PARVB: variants seen among roughly 807,000 people sequenced by gnomAD.
PARVB encodes the protein beta-parvin.
PARVB carries 46 observed loss-of-function variants against 47.0 expected under a neutral mutation model. That is an observed-to-expected ratio of 0.98 (90% CI 0.77 to 1.25). PARVB has a LOEUF of 1.25. Among genes scored for constraint, PARVB ranks in the 50% most tolerant of loss-of-function variants. PARVB has a pLI of 0.00. For missense variants in PARVB, 473 were observed against 471.6 expected (o/e 1.00, Z -0.03); for synonymous variants, 196 against 196.3 (o/e 1.00, Z 0.01).
chr22:44,165,221 C>T (rs2054141269), intron 12 of PARVB, among the ~76,000 whole-genome samples: 1 of 152,218 alleles, frequency 6.6e-6, no homozygotes, highest in African/African-American at 2.4e-5. Flanking sequence ...TGGTCTCGAA[C>T]TTCTGGGCTC....
At chr22:44,044,697 G>A (rs2051083635) in intron 1 of PARVB, among the ~76,000 whole-genome samples, 1 of 151,668 alleles carries the variant, frequency 6.6e-6, no homozygotes, top group African/African-American at 2.4e-5. Flanking sequence ...TGTTGGCCAG[G>A]TGGGTCTCAA....
At position 44,140,138 on chromosome 22, in the gene PARVB, G is replaced by A. The variant is rs201782671; in HGVS notation, c.707G>A (p.Arg236Gln). ...CTTGTTTGCAGGATGATGATGGGCC[G>A]GTTCGGTAAGTAACCCCAGGGAAAG... ...LTTTTEMMMG[R>Q]FERDAFDTLF... The change falls in exon 8 of 13, where the codon CGG (arginine) becomes CAG (glutamine). Residue 236 changes from arginine to glutamine, a missense_variant. Physicochemically the swap from Arg to Gln is conservative, Grantham distance 43. Coordinates refer to ENST00000338758, the MANE Select transcript of PARVB (RefSeq NM_013327.5). 104 of 1,590,102 alleles carry A rather than the reference G, an allele frequency of 6.5e-5. No homozygotes were observed. Among genetic ancestry groups the A allele is most frequent in the South Asian group, 3.2e-4 (29 of 90,218 alleles).
chr22:44,162,107 G>A (rs9626117), intron 11 of PARVB, among the ~76,000 whole-genome samples: 2,036 of 152,288 alleles, frequency 0.013, 59 homozygotes, highest in African/African-American at 0.047. Context: ...CAGGTCATTC[G>A]CCCCTTTGCT....
At position 44,170,215 on chromosome 22, in the gene PARVB, G is replaced by C. The variant is rs776364396; in HGVS notation, c.*1537G>C. The C allele has an allele frequency of 6.6e-6, 1 of 151,698 alleles. No homozygotes were observed. Among genetic ancestry groups the C allele is most frequent in the East Asian group, 2.0e-4 (1 of 5,110 alleles). The allele number at this position is 151,698 out of a possible 1,614,324, so 9.4% of individuals were successfully genotyped here. A position where few individuals can be genotyped will look rare whatever the true frequency, so the allele number is the denominator to read the frequency against. ...GGGGTTTCACCATGTTGCCCAGGCT[G>C]TTCTCAAACCCCTGGGCTTGAGCGA... On this transcript the variant is annotated 3_prime_UTR_variant, in exon 13 of 13. Coordinates refer to ENST00000338758, the MANE Select transcript of PARVB (RefSeq NM_013327.5).
chr22:44,023,373 T>C (rs1158684307), upstream of PARVB, among the ~76,000 whole-genome samples: 3 of 151,878 alleles, frequency 2.0e-5, no homozygotes, highest in African/African-American at 7.3e-5. Flanking sequence ...TACCCGGTCG[T>C]GGTGGCGTGC....
chr22:44,054,990 C>CAAAAAAAAAA (rs3083343), intron 1 of PARVB, among the ~76,000 whole-genome samples: 1 of 70,098 alleles, frequency 1.4e-5, no homozygotes, highest in Non-Finnish European at 2.5e-5. Flanking sequence ...AACTCCATCT[C>CAAAAAAAAAA]AAAAAAAAAA....
rs35913551 is a variant in PARVB at position 44,151,029 on chromosome 22, CAAAAA to C, written c.775-430_775-426del. 25 of 51,696 alleles carry C rather than the reference CAAAAA, an allele frequency of 4.8e-4. No homozygotes were observed. In the South Asian group the frequency reaches 5.5e-3, roughly 11 times the overall value. 3.2% of individuals were successfully genotyped at this position (51,696 alleles called of 1,614,324 possible). A position where few individuals can be genotyped will look rare whatever the true frequency, so the allele number is the denominator to read the frequency against. On this transcript the variant is annotated intron_variant, in intron 9 of 12. Transcript: ENST00000338758. ...CCTGGGCGACAGAGTGAGACTGTCT[CAAAAA>C]AAAAAAAAAAAAAAAAAAAAAAATT...
intron 5 of PARVB, among the ~76,000 whole-genome samples, chr22:44,132,491 G>A (rs1235276395): frequency 6.6e-6 from 1 of 152,168 alleles, no homozygotes; most frequent in African/African-American, 2.4e-5. Flanking sequence ...TGTTGGGATG[G>A]TTCATTGCGG....
chr22:44,013,485 G>A lies in PARVB; in HGVS notation c.211+13812G>A, dbSNP rs191507368. On this transcript the variant is annotated intron_variant, in intron 2 of 13. Coordinates refer to the PARVB transcript ENST00000406477. ...TGCCCATATGCAGGGGAGATCCTCA[G>A]TGCCCCTCACCACGCCGGCGAAGCC... 7.7e-4 allele frequency among the ~76,000 whole-genome samples: 118 copies of A among 152,292 alleles called. 1 individual carries two copies. The Middle Eastern group carries it at 0.01, about 13-fold the overall frequency.
At chr22:44,166,586 C>A (rs1158068670) in intron 12 of PARVB, among the ~76,000 whole-genome samples, 2 of 152,250 alleles carry the variant, frequency 1.3e-5, no homozygotes, top group African/African-American at 4.8e-5. Context: ...AGGCCAGAGG[C>A]AGAGGCACTG....
At chr22:44,090,221 G>T (rs967602102) in intron 1 of PARVB, among the ~76,000 whole-genome samples, 2 of 152,218 alleles carry the variant, frequency 1.3e-5, no homozygotes, top group Non-Finnish European at 2.9e-5. Flanking sequence ...CCAACAAGTG[G>T]CAATGCGAGA....
intron 1 of PARVB, among the ~76,000 whole-genome samples, chr22:44,051,434 C>A (rs1038759938): frequency 6.6e-6 from 1 of 152,072 alleles, no homozygotes; most frequent in Non-Finnish European, 1.5e-5. Context: ...CCCTTCAGTC[C>A]CAGCTCTGAC....
rs1379948835 is a variant in PARVB, at chr22:44,125,927, G to C, written c.377-5560G>C. Among the ~76,000 whole-genome samples, 1 of 152,130 alleles carries C rather than the reference G, an allele frequency of 6.6e-6. No individual in the cohort carries two copies. The highest frequency in any genetic ancestry group is 6.5e-5 in the Admixed American group (1 of 15,274). On this transcript the variant is annotated intron_variant, in intron 4 of 12. Coordinates refer to ENST00000338758, the MANE Select transcript of PARVB (RefSeq NM_013327.5). The surrounding 1 kb of genome is among the most constrained non-coding windows in gnomAD (Gnocchi z 4.1). ...AGAGTGGAAGGGCAGACATGGGGAG[G>C]TACTGTACAGTTAAACTGCCATAGG...
At chr22:44,007,218 G>C (rs2050474726) in intron 2 of PARVB, among the ~76,000 whole-genome samples, 1 of 151,958 alleles carries the variant, frequency 6.6e-6, no homozygotes, top group Non-Finnish European at 1.5e-5. Flanking sequence ...GAACAGGTCA[G>C]CAGGGGGTAC....
At chr22:44,140,377 G>A in intron 8 of PARVB, 1 of 715,556 alleles carries the variant, frequency 1.4e-6, no homozygotes, top group South Asian at 1.4e-5. Flanking sequence ...GGGGTGGAAG[G>A]CTGGGTGACC....
upstream of PARVB, among the ~76,000 whole-genome samples, chr22:44,022,594 A>G (rs1402012080): frequency 6.6e-6 from 1 of 152,066 alleles, no homozygotes; most frequent in Non-Finnish European, 1.5e-5. Context: ...ACTGGGGGGC[A>G]GCCAGCACAA....
At chr22:44,062,119 A>G (rs2051431016) in intron 1 of PARVB, among the ~76,000 whole-genome samples, 1 of 152,214 alleles carries the variant, frequency 6.6e-6, no homozygotes, top group Non-Finnish European at 1.5e-5. Flanking sequence ...CATACTGCCC[A>G]GGGTAAGACT....
chr22:44,059,464 AC>A (rs1441599124), intron 1 of PARVB, among the ~76,000 whole-genome samples: 2 of 152,216 alleles, frequency 1.3e-5, no homozygotes, highest in Non-Finnish European at 2.9e-5. Flanking sequence ...CACAGCTTGC[AC>A]ACTGACAAGC....
intron 1 of PARVB, among the ~76,000 whole-genome samples, chr22:44,063,771 G>A (rs1601546943): frequency 6.6e-6 from 1 of 152,258 alleles, no homozygotes; most frequent in East Asian, 1.9e-4. Context: ...CTTGGGATCA[G>A]GCAGCTGCTC....
Sources: allele counts gnomAD v4.1 joint callset (sites outside exome capture counted in the v4.1 genomes callset), GRCh38; gene constraint gnomAD v4.1.1; non-coding constraint Gnocchi (gnomAD v3.1); transcripts MANE v1.5; gene names NCBI Gene and HGNC (gene_info 2026-07-23, HGNC 2026-07-21).